Variants in NDST3 observed in about 807,000 individuals in gnomAD.
NDST3 encodes the protein N-deacetylase and N-sulfotransferase 3.
NDST3 carries 58 observed loss-of-function variants against 96.1 expected under a neutral mutation model. The observed-to-expected ratio is 0.60, with a 90% CI of 0.49 to 0.75. NDST3 has a LOEUF of 0.75. Ranked by LOEUF, NDST3 falls within the 30% of genes least tolerant of loss-of-function variation. The pLI is 0.00. For synonymous variants in NDST3, 333 were observed against 359.7 expected, an observed-to-expected ratio of 0.93 and a Z score of 0.84; for missense variants, 788 against 1,034.2, an observed-to-expected ratio of 0.76 and a Z score of 3.27.
At chr4:118,129,745 T>A (rs1434392680) in intron 4 of NDST3, among the ~76,000 whole-genome samples, 2 of 152,054 alleles carry the variant, frequency 1.3e-5, no homozygotes, top group African/African-American at 4.8e-5. Flanking sequence ...TTTTGTTGAG[T>A]TCCTGTCTGG....
intron 4 of NDST3, among the ~76,000 whole-genome samples, chr4:118,131,310 T>C (rs1732594282): frequency 6.6e-6 from 1 of 152,060 alleles, no homozygotes; most frequent in Non-Finnish European, 1.5e-5. Flanking sequence ...TATGATTGTG[T>C]ATTTTCAAAT....
chr4:118,124,514 C>A (rs1255126895), intron 4 of NDST3, among the ~76,000 whole-genome samples: 1 of 152,006 alleles, frequency 6.6e-6, no homozygotes, highest in Non-Finnish European at 1.5e-5. Context: ...TTTGCATAAC[C>A]TGCTAGGGTC....
At chr4:118,224,759 C>G in intron 7 of NDST3, 86 bp downstream of exon 7, 4 of 1,124,290 alleles carry the variant, frequency 3.6e-6, no homozygotes, top group Non-Finnish European at 4.9e-6. Flanking sequence ...AGTGAAGGCA[C>G]CTGAAAAAAC....
chr4:118,203,555 G>C (rs1413929697), intron 6 of NDST3, among the ~76,000 whole-genome samples: 1 of 152,136 alleles, frequency 6.6e-6, no homozygotes, highest in Admixed American at 6.5e-5. Flanking sequence ...TGTCCTTCCA[G>C]GAATTTACCT....
intron 2 of NDST3, among the ~76,000 whole-genome samples, chr4:118,092,817 A>G (rs1728985440): frequency 6.6e-6 from 1 of 151,870 alleles, no homozygotes; most frequent in South Asian, 2.1e-4. Context: ...AGTATATAGC[A>G]TAACGTATCA....
intron 6 of NDST3, among the ~76,000 whole-genome samples, chr4:118,179,647 A>G (rs1736476006): frequency 6.6e-6 from 1 of 152,066 alleles, no homozygotes; most frequent in Non-Finnish European, 1.5e-5. Flanking sequence ...GGCTTAAATG[A>G]GCAAGACTAA....
chr4:118,106,861 C>T (rs143344694), intron 3 of NDST3, among the ~76,000 whole-genome samples: 2,831 of 152,062 alleles, frequency 0.019, 39 homozygotes, highest in South Asian at 0.049. Context: ...GAGGCCGAGG[C>T]GGGTGGATCG....
At chr4:118,196,361 G>A (rs1026351391) in intron 6 of NDST3, among the ~76,000 whole-genome samples, 1 of 152,116 alleles carries the variant, frequency 6.6e-6, no homozygotes, top group Admixed American at 6.5e-5. Flanking sequence ...TGGCTTCATA[G>A]TATGTGCTGG....
At position 118,114,804 on chromosome 4, in the gene NDST3, A is replaced by G; in HGVS notation, c.1070-2A>G. On this transcript the variant is annotated splice_acceptor_variant, in intron 3 of 13. Coordinates refer to ENST00000296499, the MANE Select transcript of NDST3 (RefSeq NM_004784.3). LOFTEE classifies it high-confidence loss of function. ...AATTGGATAATATTTCCCCCCCTAA[A>G]GGAACTGAAGAGGAAGATGAAGGAG... is the stretch of plus-strand genomic sequence containing the variant. The G allele has an allele frequency of 6.2e-7, 1 of 1,613,796 alleles. No individual in the cohort carries two copies. The highest frequency in any genetic ancestry group is 8.5e-7 in the Non-Finnish European group (1 of 1,179,706).
chr4:118,202,082 G>A (rs1738124976), intron 6 of NDST3, among the ~76,000 whole-genome samples: 1 of 152,166 alleles, frequency 6.6e-6, no homozygotes, highest in South Asian at 2.1e-4. Context: ...CCTTGTTGAA[G>A]ATCAGATTGT....
rs62326129 is a variant in NDST3, at chr4:118,146,397, C to G, written c.1539+2713C>G. ...CATTCACATACATTTGAGCTGAAAA[C>G]AAAAATATAAACAGGACTTTAATTA... On this transcript the variant is annotated intron_variant, in intron 6 of 13. Coordinates refer to ENST00000296499, the MANE Select transcript of NDST3 (RefSeq NM_004784.3). Among the ~76,000 whole-genome samples, 246 of 152,122 alleles carry G rather than the reference C, an allele frequency of 1.6e-3. 1 individual carries two copies. Among genetic ancestry groups the G allele is most frequent in the Middle Eastern group, 0.01 (3 of 294 alleles).
At chr4:118,115,103 T>C (rs1578665154) in intron 4 of NDST3, 143 bp downstream of exon 4, 1 of 796,722 alleles carries the variant, frequency 1.3e-6, no homozygotes, top group Non-Finnish European at 2.0e-6. Context: ...CCTTTCAGTA[T>C]GTGGCTCTTG....
At chr4:118,048,632 AGG>A (rs1216342317) in intron 1 of NDST3, among the ~76,000 whole-genome samples, 2 of 152,216 alleles carry the variant, frequency 1.3e-5, no homozygotes, top group Non-Finnish European at 2.9e-5. Flanking sequence ...AAGACAAAGA[AGG>A]GCAATACATA....
chr4:118,250,353 A>G (rs1741610912), intron 12 of NDST3, among the ~76,000 whole-genome samples: 2 of 152,210 alleles, frequency 1.3e-5, no homozygotes, highest in Admixed American at 1.3e-4. Context: ...AAAATCAGTC[A>G]TTCTACTGAG....
At chr4:118,061,056 G>A (rs1039896808) in intron 2 of NDST3, among the ~76,000 whole-genome samples, 19 of 152,046 alleles carry the variant, frequency 1.2e-4, no homozygotes, top group African/African-American at 3.1e-4. Context: ...CCATTGACAC[G>A]TAATTTTGAT....
intron 2 of NDST3, among the ~76,000 whole-genome samples, chr4:118,094,558 A>T (rs1729137203): frequency 6.6e-6 from 1 of 151,818 alleles, no homozygotes; most frequent in Non-Finnish European, 1.5e-5. Context: ...TGTCCTTTCC[A>T]TAGAAGTCAT....
chr4:118,045,808 CTTG>C (rs1158276713), intron 1 of NDST3, among the ~76,000 whole-genome samples: 2 of 152,028 alleles, frequency 1.3e-5, no homozygotes, highest in Non-Finnish European at 2.9e-5. Flanking sequence ...TTCACCTGTG[CTTG>C]TTGTTGTACC....
chr4:118,035,813 T>C (rs1724119050), intron 1 of NDST3, among the ~76,000 whole-genome samples: 1 of 152,038 alleles, frequency 6.6e-6, no homozygotes, highest in Non-Finnish European at 1.5e-5. Flanking sequence ...TAATGTTAAT[T>C]TTGAGCTTGT....
intron 5 of NDST3, 79 bp downstream of exon 5, chr4:118,138,318 A>G: frequency 7.9e-7 from 1 of 1,258,196 alleles, no homozygotes. Flanking sequence ...AAAAACACAA[A>G]TGTTAGCAGC....
Sources: gnomAD v4.1 joint callset for allele counts (sites outside exome capture counted in the v4.1 genomes callset) on GRCh38, gnomAD v4.1.1 for gene constraint, MANE v1.5 for transcripts, NCBI Gene and HGNC (gene_info 2026-07-23, HGNC 2026-07-21) for gene names.